LRRC37A2: variants seen among roughly 807,000 people sequenced by gnomAD.
LRRC37A2 encodes the protein leucine-rich repeat-containing protein 37A2.
In LRRC37A2, 9 loss-of-function variants were observed where a neutral mutation model predicts 68.8. The observed-to-expected ratio is 0.13, with a 90% confidence interval of 0.08 to 0.23. The LOEUF (loss-of-function observed/expected upper bound fraction) is 0.23, where lower values mean the gene tolerates loss of function less well. Ranked by LOEUF, LRRC37A2 falls within the 10% of genes least tolerant of loss-of-function variation. The pLI, the probability that LRRC37A2 is intolerant of heterozygous loss-of-function variation, is 1.00. For missense variants in LRRC37A2, 168 were observed against 950.4 expected (o/e 0.18, Z 10.82); for synonymous variants, 63 against 367.6 (o/e 0.17, Z 9.48).
At chr17:46,752,085 T>C in the LRRC37A2 span, among the ~76,000 whole-genome samples, 1 of 152,180 alleles carries the variant, frequency 6.6e-6, no homozygotes, top group Non-Finnish European at 1.5e-5. Context: ...GTTAATTAAG[T>C]TGTGCAGTCT....
the LRRC37A2 span, among the ~76,000 whole-genome samples, chr17:46,771,280 C>T: frequency 6.0e-4 from 92 of 152,234 alleles, 1 homozygote; most frequent in African/African-American, 2.1e-3. Flanking sequence ...GCCCGACGTC[C>T]CGCGTCCAGT....
Position 46,532,087 on chromosome 17 carries a change from C to T in LRRC37A2, c.2907-8089C>T, listed in dbSNP as rs549992757. 1.1e-4 allele frequency among the ~76,000 whole-genome samples: 17 copies of T among 150,516 alleles called. 1 individual carries two copies. The highest frequency in any genetic ancestry group is 3.2e-4 in the African/African-American group (13 of 40,140). On this transcript the variant is annotated intron_variant, in intron 6 of 14. Transcript: ENST00000576629. ...CAACAGAGTGAGACTCCAATGGAGA[C>T]GGGGTTTCAGCACGTTTATCAGGCT... is the stretch of plus-strand genomic sequence containing the variant.
At chr17:46,499,349 T>C in the LRRC37A2 span, among the ~76,000 whole-genome samples, 2 of 139,950 alleles carry the variant, frequency 1.4e-5, no homozygotes, top group Non-Finnish European at 3.0e-5. Flanking sequence ...GGGGGGACAA[T>C]GTTACTCTTC....
chr17:46,913,178 G>A, the LRRC37A2 span, among the ~76,000 whole-genome samples: 2 of 152,194 alleles, frequency 1.3e-5, no homozygotes, highest in African/African-American at 4.8e-5. Context: ...CCTAAAAGCC[G>A]ACTTCCAAAT....
At chr17:46,526,839 T>C (rs1337599962) in intron 6 of LRRC37A2, among the ~76,000 whole-genome samples, 2 of 87,746 alleles carry the variant, frequency 2.3e-5, no homozygotes, top group African/African-American at 9.7e-5. Context: ...ACCAGGCGGC[T>C]AACTATCAAA....
At chr17:46,862,997 G>C in the LRRC37A2 span, among the ~76,000 whole-genome samples, 1 of 152,220 alleles carries the variant, frequency 6.6e-6, no homozygotes, top group African/African-American at 2.4e-5. Flanking sequence ...CAGAGGGAAC[G>C]GGCCTGGCTC....
chr17:46,914,788 T>C, the LRRC37A2 span, among the ~76,000 whole-genome samples: 1 of 152,132 alleles, frequency 6.6e-6, no homozygotes, highest in Non-Finnish European at 1.5e-5. Flanking sequence ...CTGCCAGGAA[T>C]GCCCTGTGCC....
chr17:47,026,446 G>A, the LRRC37A2 span, among the ~76,000 whole-genome samples: 1 of 152,184 alleles, frequency 6.6e-6, no homozygotes, highest in South Asian at 2.1e-4. Flanking sequence ...CTCAGTTCTG[G>A]ACTCCACCCT....
the LRRC37A2 span, among the ~76,000 whole-genome samples, chr17:47,020,965 G>A: frequency 2.6e-5 from 4 of 151,864 alleles, no homozygotes; most frequent in African/African-American, 9.7e-5. Flanking sequence ...GGGTCTTAAA[G>A]AGTAGCTATA....
the LRRC37A2 span, among the ~76,000 whole-genome samples, chr17:46,771,962 C>T: frequency 1.3e-4 from 20 of 149,416 alleles, no homozygotes; most frequent in East Asian, 5.9e-4. Context: ...CCCTTCCGGC[C>T]GCCGACCCCG....
chr17:46,821,799 T>A, the LRRC37A2 span, among the ~76,000 whole-genome samples: 2 of 152,216 alleles, frequency 1.3e-5, no homozygotes. Context: ...TTCCTTTTGA[T>A]GTGCACTCCC....
the LRRC37A2 span, among the ~76,000 whole-genome samples, chr17:46,767,561 TAAGAAAG>T: frequency 6.6e-6 from 1 of 152,038 alleles, no homozygotes; most frequent in Non-Finnish European, 1.5e-5. Context: ...CACTTTATAG[TAAGAAAG>T]CTGAGGCCCA....
the LRRC37A2 span, among the ~76,000 whole-genome samples, chr17:46,825,097 C>A: frequency 6.6e-6 from 1 of 152,246 alleles, no homozygotes; most frequent in Non-Finnish European, 1.5e-5. Context: ...AACCCTGAGC[C>A]CCATCCCTGG....
chr17:46,833,197 C>T, the LRRC37A2 span: 15 of 393,262 alleles, frequency 3.8e-5, no homozygotes, highest in Admixed American at 1.1e-4. Flanking sequence ...GCACAGAGGA[C>T]GTCAGCAAAC....
the LRRC37A2 span, among the ~76,000 whole-genome samples, chr17:46,740,643 A>G: frequency 6.6e-6 from 1 of 151,512 alleles, no homozygotes; most frequent in African/African-American, 2.4e-5. Context: ...TGGCATGGTC[A>G]GTACAACTTT....
At chr17:46,816,521 C>T in the LRRC37A2 span, among the ~76,000 whole-genome samples, 1 of 150,664 alleles carries the variant, frequency 6.6e-6, no homozygotes, top group Non-Finnish European at 1.5e-5. Flanking sequence ...ACACACCTCT[C>T]TCCTTGGCTT....
the LRRC37A2 span, among the ~76,000 whole-genome samples, chr17:46,759,061 G>A: frequency 2.6e-5 from 4 of 152,092 alleles, no homozygotes; most frequent in African/African-American, 9.7e-5. Context: ...ACAATTAGCC[G>A]GGCATGGTGG....
chr17:46,798,326 A>G, the LRRC37A2 span, among the ~76,000 whole-genome samples: 1 of 152,218 alleles, frequency 6.6e-6, no homozygotes, highest in African/African-American at 2.4e-5. Context: ...GGACCCACAG[A>G]TGGACACGAC....
chr17:46,850,527 T>C, the LRRC37A2 span, among the ~76,000 whole-genome samples: 7 of 152,206 alleles, frequency 4.6e-5, no homozygotes, highest in African/African-American at 7.2e-5. Flanking sequence ...ATGTTCCCTA[T>C]GCATGGCTGA....
Sources: gnomAD v4.1 joint callset for allele counts (sites outside exome capture counted in the v4.1 genomes callset) on GRCh38, gnomAD v4.1.1 for gene constraint, MANE v1.5 for transcripts, NCBI Gene and HGNC (gene_info 2026-07-23, HGNC 2026-07-21) for gene names.